Variants in MBD5 observed in about 807,000 individuals in gnomAD.
MBD5 encodes the protein methyl-CpG binding domain protein 5, also known as methyl-CpG-binding domain protein 5.
MBD5 carries 13 observed loss-of-function variants against 117.3 expected under a neutral mutation model. That is an observed-to-expected ratio of 0.11 (90% CI 0.07 to 0.18). The LOEUF (loss-of-function observed/expected upper bound fraction) is 0.18. MBD5 is among the 10% of genes least tolerant of loss of function. MBD5 has a pLI of 1.00. For missense variants in MBD5, 1,879 were observed against 2,093.8 expected (o/e 0.90, Z 2.00); for synonymous variants, 727 against 766.4 (o/e 0.95, Z 0.85).
chr2:148,512,030 C>T (rs1682228762), intron 13 of MBD5, among the ~76,000 whole-genome samples: 1 of 152,156 alleles, frequency 6.6e-6, no homozygotes, highest in South Asian at 2.1e-4. Context: ...TGGCAAAATG[C>T]TAAAATGGAC....
chr2:148,415,207 T>C (rs1316612060), intron 4 of MBD5, among the ~76,000 whole-genome samples: 1 of 152,194 alleles, frequency 6.6e-6, no homozygotes, highest in Non-Finnish European at 1.5e-5. Flanking sequence ...AAGGGTCTTT[T>C]TACTCCTGTA....
chr2:148,261,003 G>A (rs1359544519), intron 3 of MBD5, among the ~76,000 whole-genome samples: 1 of 152,162 alleles, frequency 6.6e-6, no homozygotes. Flanking sequence ...ATTTTGAAAG[G>A]AGTATTTTTT....
rs577082679 is a variant in MBD5, at chr2:148,136,083, G to A, written c.-924-42617G>A. Among the ~76,000 whole-genome samples, 8 of 152,284 alleles carry A rather than the reference G, an allele frequency of 5.3e-5. No individual in the cohort carries two copies. The South Asian group carries it at 1.2e-3, about 24-fold the overall frequency. On this transcript the variant is annotated intron_variant, in intron 1 of 13. Coordinates refer to ENST00000642680, the MANE Select transcript of MBD5 (RefSeq NM_001378120.1). ...TCATCAGTCTAGTATTCATAGTGGG[G>A]GGTGGTGGGTGTCAGAGTTGGGAGA... is the stretch of plus-strand genomic sequence containing the variant.
At chr2:148,125,755 C>T (rs546605384) in intron 1 of MBD5, among the ~76,000 whole-genome samples, 1 of 152,310 alleles carries the variant, frequency 6.6e-6, no homozygotes, top group Non-Finnish European at 1.5e-5. Flanking sequence ...TCTTACTAGG[C>T]TTCCTTGATG....
At chr2:148,150,657 A>G (rs1206322071) in intron 1 of MBD5, among the ~76,000 whole-genome samples, 3 of 151,690 alleles carry the variant, frequency 2.0e-5, no homozygotes, top group Admixed American at 6.6e-5. Flanking sequence ...GGTCCTTCAC[A>G]TCCCTTGTAA....
intron 3 of MBD5, among the ~76,000 whole-genome samples, chr2:148,323,688 G>A (rs533721460): frequency 5.4e-4 from 82 of 152,120 alleles, no homozygotes; most frequent in Non-Finnish European, 9.1e-4. Context: ...CTTTTTGATG[G>A]GGTTGTTTGT....
At chr2:148,076,396 C>G (rs950365540) in intron 1 of MBD5, among the ~76,000 whole-genome samples, 1 of 152,178 alleles carries the variant, frequency 6.6e-6, no homozygotes, top group Non-Finnish European at 1.5e-5. Context: ...AGGTTTATTT[C>G]TTGCTCTCCT....
intron 2 of MBD5, among the ~76,000 whole-genome samples, chr2:148,194,790 A>C (rs754730251): frequency 8.1e-4 from 123 of 151,968 alleles, no homozygotes; most frequent in Non-Finnish European, 1.5e-3. Flanking sequence ...AAAAAAAAAA[A>C]AATGAAAGAA....
chr2:148,443,518 A>G (rs907728931), intron 4 of MBD5, among the ~76,000 whole-genome samples: 1 of 151,418 alleles, frequency 6.6e-6, no homozygotes, highest in Non-Finnish European at 1.5e-5. Context: ...ATGGATAAAG[A>G]AAATGTAGTA....
rs151097491 is a variant in MBD5, at chr2:148,509,855, C to CT, written c.5037-198dup. On this transcript the variant is annotated intron_variant, in intron 12 of 13. Coordinates refer to ENST00000642680, the MANE Select transcript of MBD5 (RefSeq NM_001378120.1). ...TCTCCCCGCCCCACAATCTGTTCAA[C>CT]TTTTTTTAGTAGTTCTGTGACTTTA... Among the ~76,000 whole-genome samples, 3,710 of 152,224 alleles carry CT rather than the reference C, an allele frequency of 0.024. 149 individuals are homozygous for CT. The highest frequency in any genetic ancestry group is 0.084 in the African/African-American group (3,470 of 41,502).
In MBD5 at chr2:148,490,372, G is replaced by A. The variant is rs2105131809; in HGVS notation, c.4740G>A (p.Gly1580=). The A allele has an allele frequency of 6.2e-7, 1 of 1,614,184 alleles. No homozygotes were observed. Among genetic ancestry groups the A allele is most frequent in the Admixed American group, 1.7e-5 (1 of 60,024 alleles). ...NGDFNAKSVN[G]CVPSPSDAKS... ...ACTTTAATGCCAAAAGCGTTAATGG[G>A]TGTGTGCCTAGCCCTTCAGATGCTA... The change falls in exon 11 of 14, where the codon GGG becomes GGA. Residue 1580 remains glycine (G), a synonymous_variant. Transcript: ENST00000642680.
intron 1 of MBD5, among the ~76,000 whole-genome samples, chr2:148,165,241 T>G (rs1047333645): frequency 6.6e-6 from 1 of 152,142 alleles, no homozygotes; most frequent in Non-Finnish European, 1.5e-5. Flanking sequence ...ATTATTTGAA[T>G]TACAGATGTT....
intron 1 of MBD5, among the ~76,000 whole-genome samples, chr2:148,113,575 A>C (rs1696552527): frequency 6.6e-6 from 1 of 152,222 alleles, no homozygotes; most frequent in East Asian, 1.9e-4. Context: ...AATATACCTT[A>C]GTCTGTTATA....
chr2:148,469,815 C>T lies in MBD5; in HGVS notation c.1872C>T (p.Phe624=), dbSNP rs540529414. The change falls in exon 8 of 14, where the codon TTC becomes TTT. Residue 624 remains phenylalanine, a synonymous_variant. Transcript: ENST00000642680. ...GACATAGCACTTTAAACACCATGTT[C>T]CCTCCTACTGCCAACATGCTTCTCC... The part of the protein sequence containing the change: ...TEGHSTLNTM[F]PPTANMLLPT... 4.3e-6 allele frequency: 7 copies of T among 1,613,948 alleles called. No individual in the cohort carries two copies. The South Asian group carries it at 7.7e-5, about 18-fold the overall frequency.
intron 3 of MBD5, among the ~76,000 whole-genome samples, chr2:148,247,200 C>A (rs976694694): frequency 6.6e-6 from 1 of 152,110 alleles, no homozygotes; most frequent in Non-Finnish European, 1.5e-5. Flanking sequence ...ATAAATATTA[C>A]TTTTTATTCA....
chr2:148,330,591 G>A (rs986720468), intron 3 of MBD5: 4 of 152,174 alleles, frequency 2.6e-5, no homozygotes, highest in East Asian at 1.9e-4. Flanking sequence ...GAAAAGAGAC[G>A]TGGTTTCAGG....
In MBD5 at chr2:148,424,177, CAAAAAAAAAAAAAA is replaced by C. The variant is rs56740583; in HGVS notation, c.-556-34000_-556-33987del. Among the ~76,000 whole-genome samples, 97 of 53,430 alleles carry C rather than the reference CAAAAAAAAAAAAAA, an allele frequency of 1.8e-3. 2 individuals carry two copies. The East Asian group carries it at 0.11, about 59-fold the overall frequency. The allele number at this position is 53,430 out of a possible 152,430, so 35.1% of individuals were successfully genotyped here. A position where few individuals can be genotyped will look rare whatever the true frequency, so the allele number is the denominator to read the frequency against. The stretch of plus-strand genomic sequence containing the variant: ...TGGGCAACAGAGCAAGACTCTGTCT[CAAAAAAAAAAAAAA>C]AAAAAAAAAAAAAAAAAAAAAAAAA... On this transcript the variant is annotated intron_variant, in intron 4 of 13. Transcript: ENST00000642680.
At chr2:148,203,901 A>C (rs1252944315) in intron 2 of MBD5, among the ~76,000 whole-genome samples, 1 of 152,190 alleles carries the variant, frequency 6.6e-6, no homozygotes, top group African/African-American at 2.4e-5. Flanking sequence ...TTTACCATGG[A>C]TAAATTTCTC....
At chr2:148,477,748 C>T (rs2105023802) in intron 8 of MBD5, among the ~76,000 whole-genome samples, 1 of 152,142 alleles carries the variant, frequency 6.6e-6, no homozygotes, top group African/African-American at 2.4e-5. Flanking sequence ...TACCATTGTC[C>T]CTGTTTGCAA....
Sources: allele counts gnomAD v4.1 joint callset (sites outside exome capture counted in the v4.1 genomes callset), GRCh38; gene constraint gnomAD v4.1.1; transcripts MANE v1.5; gene names NCBI Gene and HGNC (gene_info 2026-07-23, HGNC 2026-07-21).